ITIH6: variants seen among roughly 807,000 people sequenced by gnomAD.
ITIH6 encodes the protein inter-alpha-trypsin inhibitor heavy chain family member 6, also known as inter-alpha-trypsin inhibitor heavy chain H6.
In ITIH6, 60 loss-of-function variants were observed where a neutral mutation model predicts 58.2. The observed-to-expected ratio is 1.03, with a 90% CI of 0.84 to 1.28. The LOEUF is 1.28. ITIH6 is among the 50% of genes most tolerant of loss of function. The probability of loss-of-function intolerance (pLI) is 0.00; values close to 1 mark genes in which losing one functional copy is unlikely to be tolerated. For synonymous variants in ITIH6, 493 were observed against 417.4 expected, an observed-to-expected ratio of 1.18 and a Z score of -2.21; for missense variants, 1,290 against 1,021.1, an observed-to-expected ratio of 1.26 and a Z score of -3.59.
chrX:54,750,640 C>G (rs1928333117), intron 12 of ITIH6, among the ~76,000 whole-genome samples: 1 of 111,802 alleles, frequency 8.9e-6, no homozygotes, highest in African/African-American at 3.3e-5. Context: ...GCATTCAACT[C>G]TGACCACTCA....
intron 2 of ITIH6, among the ~76,000 whole-genome samples, chrX:54,794,613 C>A (rs1480177555): frequency 1.8e-5 from 2 of 111,235 alleles, no homozygotes; most frequent in African/African-American, 6.6e-5. Flanking sequence ...CCAATCCCCT[C>A]CTCTAACCCA....
chrX:54,790,500 A>C (rs1178694660), intron 4 of ITIH6, among the ~76,000 whole-genome samples: 1 of 112,068 alleles, frequency 8.9e-6, no homozygotes, highest in Non-Finnish European at 1.9e-5. Context: ...TGATTTGGCC[A>C]GTGTGGCTTC....
chrX:54,757,134 G>T lies in ITIH6; in HGVS notation c.2940C>A (p.Ser980Arg). The change falls in exon 8 of 13, where the codon AGC becomes AGA. Residue 980 changes from serine (S) to arginine (R), a missense_variant. By Grantham distance (110) the Ser-to-Arg change is moderately radical (BLOSUM62 -1). Coordinates refer to ENST00000218436, the MANE Select transcript of ITIH6 (RefSeq NM_198510.3). Reference protein sequence around the residue: ...LNSSRPTPEGSPPNLPILLPS... With the variant: ...LNSSRPTPEGRPPNLPILLPS... ...GCAGCAAGATTGGCAGGTTTGGAGG[G>T]CTGCCTTCTGGTGTAGGCCTGGAGC... 1 of 1,211,523 alleles carries T rather than the reference G, an allele frequency of 8.3e-7. No individual in the cohort carries two copies. The highest frequency in any genetic ancestry group is 1.8e-5 in the South Asian group (1 of 56,898).
At chrX:54,755,262 C>G (rs948575557) in intron 8 of ITIH6, among the ~76,000 whole-genome samples, 153 bp from the exon 9 acceptor site, 9 of 113,142 alleles carry the variant, frequency 8.0e-5, no homozygotes, top group African/African-American at 2.6e-4. Flanking sequence ...CTTAATCTCT[C>G]AAGCTCAGAT....
At chrX:54,774,479 T>A (rs1458266437) in intron 5 of ITIH6, among the ~76,000 whole-genome samples, 1 of 113,104 alleles carries the variant, frequency 8.8e-6, no homozygotes, top group Non-Finnish European at 1.9e-5. Context: ...ATCTCTGTAA[T>A]ATGTGAGTTC....
At chrX:54,777,892 C>T (rs1447218321) in intron 5 of ITIH6, among the ~76,000 whole-genome samples, 1 of 111,957 alleles carries the variant, frequency 8.9e-6, no homozygotes, top group Non-Finnish European at 1.9e-5. Flanking sequence ...CTTCAATGTC[C>T]AGACACAGAA....
At chrX:54,780,112 T>C (rs1444139697) in intron 5 of ITIH6, among the ~76,000 whole-genome samples, 1 of 112,162 alleles carries the variant, frequency 8.9e-6, no homozygotes, top group African/African-American at 3.2e-5. Context: ...GCACTGGACA[T>C]CTTCCAGGCA....
At chrX:54,755,138 C>A (rs368167478) in intron 8 of ITIH6, 29 bp from the exon 9 acceptor site, 1 of 1,136,285 alleles carries the variant, frequency 8.8e-7, no homozygotes, top group African/African-American at 1.8e-5. Context: ...ATAAGAAAAC[C>A]CTTCAAATTC....
rs374080821 is a variant in ITIH6, at chrX:54,757,173, C to T, written c.2901G>A (p.Met967Ile). Residue 967 changes from methionine (M) to isoleucine (I), a missense_variant, in exon 8 of 13, where the codon ATG (methionine) becomes ATA (isoleucine). Physicochemically the swap from Met to Ile is conservative, Grantham distance 10. Transcript: ENST00000218436. Reference sequence around the variant, plus strand: ...TAGGCCTGGAGCTGTTGAGTAGGCTCATTGTTGGAACTCCTGGCCTAGATG... The same window carrying T: ...TAGGCCTGGAGCTGTTGAGTAGGCTTATTGTTGGAACTCCTGGCCTAGATG... ...LGPSRPGVPT[M>I]SLLNSSRPTP... 29 of 1,207,340 alleles carry T rather than the reference C, an allele frequency of 2.4e-5. No individual in the cohort carries two copies. Among genetic ancestry groups the T allele is most frequent in the South Asian group, 7.1e-5 (4 of 56,355 alleles).
chrX:54,757,967 G>T lies in ITIH6; in HGVS notation c.2107C>A (p.Pro703Thr), dbSNP rs989256060. The T allele has an allele frequency of 8.3e-7, 1 of 1,210,154 alleles. No homozygotes were observed. Among genetic ancestry groups the T allele is most frequent in the African/African-American group, 1.7e-5 (1 of 57,219 alleles). ...SPHTLSMPTYPKAKIPAQQDS... is the reference protein window; with the variant it reads ...SPHTLSMPTYTKAKIPAQQDS... ...TGTTGTGCTGGAATTTTGGCCTTTG[G>T]GTATGTGGGCATTGACAGGGTATGA... The change falls in exon 8 of 13, where the codon CCA (proline) becomes ACA (threonine). Residue 703 changes from proline to threonine, a missense_variant. Physicochemically the swap from Pro to Thr is conservative, Grantham distance 38. Transcript: ENST00000218436.
chrX:54,762,220 C>G (rs1928662309), intron 6 of ITIH6, among the ~76,000 whole-genome samples: 1 of 111,500 alleles, frequency 9.0e-6, no homozygotes, highest in Non-Finnish European at 1.9e-5. Flanking sequence ...GGAGTTCACT[C>G]ATGATTTGGC....
intron 5 of ITIH6, among the ~76,000 whole-genome samples, chrX:54,780,729 T>C (rs1347016871): frequency 5.9e-5 from 6 of 102,161 alleles, no homozygotes; most frequent in Non-Finnish European, 1.2e-4. Context: ...ACAAAAAGAG[T>C]TTTTTTTTTA....
rs1222933512 is a variant in ITIH6 at position 54,757,607 on chromosome X, G to T, written c.2467C>A (p.His823Asn). 1.7e-6 allele frequency: 2 copies of T among 1,211,149 alleles called. No individual in the cohort carries two copies. The highest frequency in any genetic ancestry group is 2.2e-6 in the Non-Finnish European group (2 of 895,215). ...STLQVPKYPL[H>N]TRPRVPAPKT... ...GGAGCAGGAACCCTAGGTCTGGTGTGTAGTGGGTACTTGGGAACCTGAAGT... is the reference window on the plus strand; with the variant it reads ...GGAGCAGGAACCCTAGGTCTGGTGTTTAGTGGGTACTTGGGAACCTGAAGT... Residue 823 changes from histidine (H) to asparagine (N), a missense_variant, in exon 8 of 13, where the codon CAC (histidine) becomes AAC (asparagine). By Grantham distance (68) the His-to-Asn change is moderately conservative (BLOSUM62 1). Transcript: ENST00000218436.
chrX:54,780,202 A>G (rs1929124746), intron 5 of ITIH6, among the ~76,000 whole-genome samples: 1 of 111,708 alleles, frequency 9.0e-6, no homozygotes, highest in Non-Finnish European at 1.9e-5. Flanking sequence ...CATTTCATCC[A>G]ATGGCTGCAG....
intron 5 of ITIH6, among the ~76,000 whole-genome samples, chrX:54,779,590 A>T (rs1929112770): frequency 9.0e-6 from 1 of 111,091 alleles, no homozygotes; most frequent in South Asian, 3.8e-4. Flanking sequence ...ACCAAAGAAA[A>T]TAATCTTGCT....
chrX:54,794,168 T>C (rs934229759), intron 2 of ITIH6, among the ~76,000 whole-genome samples: 2 of 108,626 alleles, frequency 1.8e-5, no homozygotes, highest in African/African-American at 6.7e-5. Flanking sequence ...GTGGGCCGAG[T>C]TGGCACCTCC....
At chrX:54,752,237 C>T (rs189347532) in intron 11 of ITIH6, among the ~76,000 whole-genome samples, 2 of 111,728 alleles carry the variant, frequency 1.8e-5, no homozygotes, top group African/African-American at 3.2e-5. Context: ...TGTTACAACA[C>T]GGATGAACCA....
chrX:54,758,142 C>A lies in ITIH6; in HGVS notation c.1932G>T (p.Gly644=). 8.3e-7 allele frequency: 1 copy of A among 1,211,646 alleles called. No individual in the cohort carries two copies. Among genetic ancestry groups the A allele is most frequent in the South Asian group, 1.8e-5 (1 of 56,953 alleles). Residue 644 remains glycine, a synonymous_variant, in exon 8 of 13, where the codon GGG becomes GGT. Coordinates refer to ENST00000218436, the MANE Select transcript of ITIH6 (RefSeq NM_198510.3). The stretch of plus-strand genomic sequence containing the variant: ...CCAAGGCTGGCTGAGCTGTGCTTAC[C>A]CCTAGGCCATGCCTGCTGCTGGATG... The part of the protein sequence containing the change: ...MPSSSSRHGL[G]VSTAQPALVP...
chrX:54,751,342 T>G lies in ITIH6; in HGVS notation c.3391A>C (p.Arg1131=), dbSNP rs761661026. The change falls in exon 12 of 13, where the codon AGG becomes CGG. Residue 1131 remains arginine, a synonymous_variant. Transcript: ENST00000218436. ...VSGKLLGAPP[R]PGHKDQTRTY... ...CGAGTCTGGTCCTTGTGGCCCGGCC[T>G]TGGTGGTGCGCCAAGCAGCTTCCCA... 8.3e-7 allele frequency: 1 copy of G among 1,210,311 alleles called. No homozygotes were observed. The highest frequency in any genetic ancestry group is 1.7e-5 in the African/African-American group (1 of 57,292).
Sources: allele counts gnomAD v4.1 joint callset (sites outside exome capture counted in the v4.1 genomes callset), GRCh38; gene constraint gnomAD v4.1.1; transcripts MANE v1.5; gene names NCBI Gene and HGNC (gene_info 2026-07-23, HGNC 2026-07-21).